Variants in EYS observed in about 807,000 individuals in gnomAD.
The protein encoded by EYS is EGF-like photoreceptor maintenance factor, also known as protein eyes shut homolog.
A neutral mutation model predicts 282.1 loss-of-function variants in EYS; 250 were observed. The ratio of observed to expected loss-of-function variants is 0.89; its 90% CI spans 0.80 to 0.98. The LOEUF is 0.98. Among genes scored for constraint, EYS ranks in the 50% least tolerant of loss-of-function variants. The pLI, the probability that EYS is intolerant of heterozygous loss-of-function variation, is 0.00. For synonymous variants in EYS, 1,355 were observed against 1,282.9 expected (o/e 1.06, Z -1.20); for missense variants, 4,016 against 3,709.0 (o/e 1.08, Z -2.15).
At chr6:64,344,635 G>A (rs1304747210) in intron 29 of EYS, among the ~76,000 whole-genome samples, 1 of 152,024 alleles carries the variant, frequency 6.6e-6, no homozygotes, top group Non-Finnish European at 1.5e-5. Flanking sequence ...TTGAAAACTG[G>A]CACAAGACGG....
chr6:65,395,893 C>A (rs1382716436), intron 7 of EYS, among the ~76,000 whole-genome samples: 1 of 152,104 alleles, frequency 6.6e-6, no homozygotes, highest in African/African-American at 2.4e-5. Context: ...AACCAGTATT[C>A]TGTTTCTATG....
chr6:64,502,433 G>C (rs368116017), intron 26 of EYS, among the ~76,000 whole-genome samples: 19 of 152,230 alleles, frequency 1.2e-4, no homozygotes, highest in African/African-American at 4.1e-4. Context: ...GTATTAGCCA[G>C]GATGGTCTCG....
chr6:64,388,590 C>G, intron 29 of EYS, 100 bp downstream of exon 29: 2 of 1,173,336 alleles, frequency 1.7e-6, no homozygotes, highest in Non-Finnish European at 2.3e-6. Flanking sequence ...GCCCCACTAG[C>G]CAGAAAATAT....
intron 14 of EYS, among the ~76,000 whole-genome samples, chr6:64,994,035 C>T (rs993221127): frequency 2.7e-5 from 4 of 150,942 alleles, no homozygotes; most frequent in African/African-American, 4.9e-5. Context: ...AAGAGGAAAA[C>T]GAAACTAAAA....
chr6:65,311,743 G>T (rs1394979398), intron 11 of EYS, among the ~76,000 whole-genome samples: 2 of 152,158 alleles, frequency 1.3e-5, no homozygotes, highest in African/African-American at 2.4e-5. Flanking sequence ...TTTATCCTCT[G>T]TCCCTTTGAT....
rs189916882 is a variant in EYS at position 64,064,785 on chromosome 6, T to C, written c.6725+1553A>G. Reference sequence around the variant, plus strand: ...GTATAACTGAAAGTACTATTGTTTGTATAAATTGTTGACATTGTATAAAAT... The same window carrying C: ...GTATAACTGAAAGTACTATTGTTTGCATAAATTGTTGACATTGTATAAAAT... On this transcript the variant is annotated intron_variant, in intron 33 of 42. Transcript: ENST00000503581. Among the ~76,000 whole-genome samples, 648 of 152,304 alleles carry C rather than the reference T, an allele frequency of 4.3e-3. 1 individual carries two copies. The highest frequency in any genetic ancestry group is 4.9e-3 in the Non-Finnish European group (336 of 67,998).
chr6:64,741,539 C>CTCTA, intron 22 of EYS, among the ~76,000 whole-genome samples: 1 of 152,304 alleles, frequency 6.6e-6, no homozygotes, highest in Admixed American at 6.5e-5. Flanking sequence ...ACTGAATTCT[C>CTCTA]TCTATCTGTG....
chr6:64,386,519 T>C (rs1383788595), intron 29 of EYS, among the ~76,000 whole-genome samples: 1 of 152,118 alleles, frequency 6.6e-6, no homozygotes, highest in African/African-American at 2.4e-5. Flanking sequence ...TTCAATTATC[T>C]CCACCTGGCC....
At chr6:64,805,921 G>A (rs1029670775) in intron 22 of EYS, among the ~76,000 whole-genome samples, 5 of 151,404 alleles carry the variant, frequency 3.3e-5, no homozygotes, top group Non-Finnish European at 7.4e-5. Context: ...TGATAGTTCA[G>A]GAGGTCATCA....
At chr6:65,003,500 T>C (rs553568691) in intron 13 of EYS, among the ~76,000 whole-genome samples, 1 of 147,552 alleles carries the variant, frequency 6.8e-6, no homozygotes, top group African/African-American at 2.4e-5. Context: ...TCCACTTGCC[T>C]TGTGATATTC....
At chr6:65,508,375 T>C (rs1452389245) in intron 2 of EYS, among the ~76,000 whole-genome samples, 1 of 152,060 alleles carries the variant, frequency 6.6e-6, no homozygotes, top group Non-Finnish European at 1.5e-5. Context: ...GCCTGTAGCC[T>C]TAAGAAATGT....
chr6:63,884,526 T>C (rs893733086), intron 35 of EYS, among the ~76,000 whole-genome samples: 2 of 152,200 alleles, frequency 1.3e-5, no homozygotes, highest in Non-Finnish European at 2.9e-5. Context: ...TAAGAATTCA[T>C]TGAGATTTGT....
chr6:64,633,356 T>G (rs1273080956), intron 22 of EYS, among the ~76,000 whole-genome samples: 1 of 152,132 alleles, frequency 6.6e-6, no homozygotes. Context: ...TCGTATCACT[T>G]TTTAGTAAAA....
intron 1 of EYS, among the ~76,000 whole-genome samples, chr6:65,706,181 G>T (rs1249621157): frequency 6.7e-6 from 1 of 149,574 alleles, no homozygotes; most frequent in Non-Finnish European, 1.5e-5. Context: ...TGATATAGAT[G>T]ATATGAGTAT....
intron 30 of EYS, among the ~76,000 whole-genome samples, chr6:64,269,609 T>C (rs1230518003): frequency 5.3e-5 from 8 of 152,182 alleles, no homozygotes; most frequent in African/African-American, 9.6e-5. Context: ...GGTTAGCAAA[T>C]TGATACATTA....
At chr6:64,522,040 A>T (rs1321594432) in intron 26 of EYS, among the ~76,000 whole-genome samples, 1 of 151,802 alleles carries the variant, frequency 6.6e-6, no homozygotes, top group Non-Finnish European at 1.5e-5. Context: ...GCAGTCCTTT[A>T]TCTCTAGGAC....
At chr6:65,091,700 T>C (rs1774573044) in intron 12 of EYS, among the ~76,000 whole-genome samples, 1 of 152,112 alleles carries the variant, frequency 6.6e-6, no homozygotes, top group Non-Finnish European at 1.5e-5. Context: ...GTGGCTTCTG[T>C]CTGGAGTAGG....
intron 1 of EYS, among the ~76,000 whole-genome samples, chr6:65,695,968 T>C (rs767532307): frequency 1.3e-5 from 2 of 152,014 alleles, no homozygotes; most frequent in Non-Finnish European, 2.9e-5. Context: ...AAATAATTAT[T>C]CTAAAGCCGT....
chr6:65,321,186 A>G (rs1424116052), intron 11 of EYS, among the ~76,000 whole-genome samples: 1 of 151,654 alleles, frequency 6.6e-6, no homozygotes, highest in Non-Finnish European at 1.5e-5. Flanking sequence ...ATTCTGAGAA[A>G]TGGATTAACA....
Sources: allele counts gnomAD v4.1 joint callset (sites outside exome capture counted in the v4.1 genomes callset), GRCh38; gene constraint gnomAD v4.1.1; transcripts MANE v1.5; gene names NCBI Gene and HGNC (gene_info 2026-07-23, HGNC 2026-07-21).